SHISA9: variants seen among roughly 807,000 people sequenced by gnomAD.
The protein encoded by SHISA9 is shisa family member 9.
SHISA9 carries 13 observed loss-of-function variants against 38.0 expected under a neutral mutation model. The ratio of observed to expected loss-of-function variants is 0.34; its 90% CI spans 0.22 to 0.54. SHISA9 has a LOEUF of 0.54. Among genes scored for constraint, SHISA9 ranks in the 20% least tolerant of loss-of-function variants. The pLI is 0.91. For synonymous variants in SHISA9, 275 were observed against 242.0 expected (o/e 1.14, Z -1.27); for missense variants, 538 against 575.8 (o/e 0.93, Z 0.67).
chr16:12,963,638 T>A (rs1264549541), intron 2 of SHISA9, among the ~76,000 whole-genome samples: 1 of 152,242 alleles, frequency 6.6e-6, no homozygotes, highest in Non-Finnish European at 1.5e-5. Context: ...CTATTAGTTC[T>A]CCCATTTTGT....
intron 2 of SHISA9, 70 bp from the exon 3 acceptor site, chr16:13,203,324 T>G (rs1403681602): frequency 1.5e-6 from 2 of 1,365,250 alleles, no homozygotes; most frequent in Non-Finnish European, 1.9e-6. Context: ...TCCAGTGATG[T>G]GGTGATGGGA....
rs190964578 is a variant in SHISA9, at chr16:13,212,909, C to A, written c.848-344C>A. 1.3e-3 allele frequency among the ~76,000 whole-genome samples: 198 copies of A among 152,346 alleles called. 1 individual carries two copies. The highest frequency in any genetic ancestry group is 4.6e-3 in the African/African-American group (192 of 41,582). On this transcript the variant is annotated intron_variant, in intron 3 of 4. Coordinates refer to ENST00000558583, the MANE Select transcript of SHISA9 (RefSeq NM_001145204.3). ...CCAAGGTGAGCTCATATAACTCAAACTTTCCTTTCTTTCTAAGCAGGTTGA... is the reference window on the plus strand; with the variant it reads ...CCAAGGTGAGCTCATATAACTCAAAATTTCCTTTCTTTCTAAGCAGGTTGA...
chr16:13,532,087 C>T, the SHISA9 span, among the ~76,000 whole-genome samples: 2 of 152,158 alleles, frequency 1.3e-5, no homozygotes, highest in Non-Finnish European at 2.9e-5. Context: ...CATTTCATAA[C>T]CTGGGCCAAT....
At chr16:12,980,178 C>G (rs1425605395) in intron 2 of SHISA9, among the ~76,000 whole-genome samples, 1 of 152,178 alleles carries the variant, frequency 6.6e-6, no homozygotes, top group Non-Finnish European at 1.5e-5. Flanking sequence ...TCAAACTTTA[C>G]CAAGGCATTT....
chr16:13,445,148 C>G, the SHISA9 span, among the ~76,000 whole-genome samples: 1 of 151,518 alleles, frequency 6.6e-6, no homozygotes, highest in Admixed American at 6.6e-5. Context: ...AGGTGTGAGC[C>G]ACTGCACTCA....
the SHISA9 span, among the ~76,000 whole-genome samples, chr16:13,294,996 G>GTATTATTAT: frequency 1.3e-5 from 2 of 151,836 alleles, no homozygotes; most frequent in East Asian, 1.9e-4. Flanking sequence ...TTTGTGGTAG[G>GTATTATTAT]TATTATTATT....
chr16:13,522,487 C>G, the SHISA9 span, among the ~76,000 whole-genome samples: 356 of 152,222 alleles, frequency 2.3e-3, 1 homozygote, highest in Non-Finnish European at 3.0e-3. Flanking sequence ...CCTCGACCAT[C>G]AGTGAGGAGT....
chr16:13,459,522 G>T, the SHISA9 span, among the ~76,000 whole-genome samples: 1 of 152,076 alleles, frequency 6.6e-6, no homozygotes, highest in Non-Finnish European at 1.5e-5. Flanking sequence ...TTTTTCAGGG[G>T]GACCTTATCA....
At chr16:13,478,109 T>C in the SHISA9 span, among the ~76,000 whole-genome samples, 1 of 152,230 alleles carries the variant, frequency 6.6e-6, no homozygotes, top group African/African-American at 2.4e-5. Flanking sequence ...CTGTCTCTCT[T>C]CCATCCGGTT....
intron 2 of SHISA9, among the ~76,000 whole-genome samples, chr16:13,191,566 A>G (rs919456506): frequency 6.6e-6 from 1 of 152,210 alleles, no homozygotes; most frequent in Non-Finnish European, 1.5e-5. Context: ...TATGGTCCCA[A>G]TTTAGAGCTT....
intron 2 of SHISA9, among the ~76,000 whole-genome samples, chr16:12,988,145 G>C (rs1269519584): frequency 6.6e-6 from 1 of 152,242 alleles, no homozygotes; most frequent in African/African-American, 2.4e-5. Flanking sequence ...CTAGGCTCCA[G>C]TCCAGATGGA....
chr16:13,151,390 A>T (rs1484298194), intron 2 of SHISA9, among the ~76,000 whole-genome samples: 1 of 152,148 alleles, frequency 6.6e-6, no homozygotes, highest in Admixed American at 6.5e-5. Context: ...GACAGGCATG[A>T]GCCACCACAC....
chr16:12,993,724 A>G (rs1284632423), intron 2 of SHISA9, among the ~76,000 whole-genome samples: 1 of 152,206 alleles, frequency 6.6e-6, no homozygotes, highest in Non-Finnish European at 1.5e-5. Flanking sequence ...TGTAGTAAAC[A>G]CAGGTTAAGA....
chr16:13,068,430 A>G (rs979533355), intron 2 of SHISA9, among the ~76,000 whole-genome samples: 6 of 152,256 alleles, frequency 3.9e-5, no homozygotes, highest in Middle Eastern at 3.2e-3. Context: ...CACCTGTTGT[A>G]CACTTATTCT....
At chr16:13,056,051 TAGG>T (rs2073306014) in intron 2 of SHISA9, among the ~76,000 whole-genome samples, 1 of 152,110 alleles carries the variant, frequency 6.6e-6, no homozygotes, top group African/African-American at 2.4e-5. Flanking sequence ...CTGTGAACTG[TAGG>T]AGGGCAGAGA....
At chr16:13,477,079 C>T in the SHISA9 span, among the ~76,000 whole-genome samples, 1 of 152,082 alleles carries the variant, frequency 6.6e-6, no homozygotes, top group South Asian at 2.1e-4. Context: ...ACGTGGTCCA[C>T]CAGTGATTAC....
chr16:13,406,938 C>T, the SHISA9 span, among the ~76,000 whole-genome samples: 3 of 151,780 alleles, frequency 2.0e-5, no homozygotes, highest in African/African-American at 4.8e-5. Context: ...TGTGGTGGCG[C>T]GTGTCTGTAA....
chr16:13,494,975 A>G, the SHISA9 span, among the ~76,000 whole-genome samples: 1 of 152,340 alleles, frequency 6.6e-6, no homozygotes, highest in Admixed American at 6.5e-5. Flanking sequence ...AGTCAATCTG[A>G]CAAGATTACA....
chr16:13,468,194 G>A, the SHISA9 span, among the ~76,000 whole-genome samples: 1 of 152,116 alleles, frequency 6.6e-6, no homozygotes, highest in Non-Finnish European at 1.5e-5. Flanking sequence ...GCCTTTTAAA[G>A]GGGGAAAAAT....
Sources: gnomAD v4.1 joint callset for allele counts (sites outside exome capture counted in the v4.1 genomes callset) on GRCh38, gnomAD v4.1.1 for gene constraint, MANE v1.5 for transcripts, NCBI Gene and HGNC (gene_info 2026-07-23, HGNC 2026-07-21) for gene names.